Variants in SLC10A7 observed in about 807,000 individuals in gnomAD.
SLC10A7 encodes the protein solute carrier family 10 member 7.
Under a neutral mutation model 43.2 loss-of-function variants are expected in SLC10A7, and 29 were observed. That is an observed-to-expected ratio of 0.67 (90% confidence interval 0.50 to 0.92). The LOEUF (loss-of-function observed/expected upper bound fraction) is 0.92, where lower values mean the gene tolerates loss of function less well. Ranked by LOEUF, SLC10A7 falls within the 40% of genes least tolerant of loss-of-function variation. SLC10A7 has a pLI of 0.00. For synonymous variants in SLC10A7, 152 were observed against 144.8 expected (o/e 1.05, Z -0.35); for missense variants, 295 against 403.2 (o/e 0.73, Z 2.30).
At chr4:146,408,200 C>T (rs1727874810) in intron 5 of SLC10A7, among the ~76,000 whole-genome samples, 1 of 152,086 alleles carries the variant, frequency 6.6e-6, no homozygotes, top group African/African-American at 2.4e-5. Context: ...AATACAATGC[C>T]TAAAACCTCA....
At chr4:146,371,616 C>T (rs1736786995) in intron 5 of SLC10A7, among the ~76,000 whole-genome samples, 1 of 152,172 alleles carries the variant, frequency 6.6e-6, no homozygotes, top group Admixed American at 6.5e-5. Context: ...TCAGAGTTAG[C>T]CTGCCAGAGC....
At chr4:146,304,722 T>C (rs1731422310) in intron 7 of SLC10A7, among the ~76,000 whole-genome samples, 1 of 152,140 alleles carries the variant, frequency 6.6e-6, no homozygotes, top group Non-Finnish European at 1.5e-5. Flanking sequence ...AAAATGTATA[T>C]TCTGTTGATT....
intron 4 of SLC10A7, among the ~76,000 whole-genome samples, chr4:146,455,197 C>T (rs1731941087): frequency 6.6e-6 from 1 of 151,780 alleles, no homozygotes; most frequent in African/African-American, 2.4e-5. Context: ...AGACAGACAT[C>T]ATAATAACTA....
intron 10 of SLC10A7, among the ~76,000 whole-genome samples, chr4:146,260,051 A>C (rs922425679): frequency 5.3e-5 from 8 of 152,234 alleles, no homozygotes; most frequent in Non-Finnish European, 1.2e-4. Flanking sequence ...TTTCATGGTT[A>C]CTTTCTTTTT....
rs1731579035 is a variant in SLC10A7, at chr4:146,306,458, T to G, written c.472-449A>C. 4.6e-5 allele frequency among the ~76,000 whole-genome samples: 7 copies of G among 152,286 alleles called. No homozygotes were observed. In the South Asian group the frequency reaches 1.5e-3, roughly 32 times the overall value. On this transcript the variant is annotated intron_variant, in intron 6 of 11. Transcript: ENST00000335472. ...AACTTTCTGACTCCTTCAAAACAAA[T>G]ATAATGAATCTCAGATCCCGTAGAA...
intron 4 of SLC10A7, among the ~76,000 whole-genome samples, chr4:146,479,365 C>T (rs965841343): frequency 6.6e-6 from 1 of 152,056 alleles, no homozygotes; most frequent in African/African-American, 2.4e-5. Context: ...CATAACACTA[C>T]CTACTCTGTT....
At chr4:146,465,991 G>A (rs1732990391) in intron 4 of SLC10A7, among the ~76,000 whole-genome samples, 1 of 151,960 alleles carries the variant, frequency 6.6e-6, no homozygotes, top group Admixed American at 6.6e-5. Flanking sequence ...CTTTCCTTCT[G>A]TATTTTCTAC....
chr4:146,355,995 T>G (rs946633090), intron 5 of SLC10A7, among the ~76,000 whole-genome samples: 7 of 149,108 alleles, frequency 4.7e-5, no homozygotes, highest in Admixed American at 3.3e-4. Context: ...CATATGTAAC[T>G]AACCTGCACA....
intron 4 of SLC10A7, among the ~76,000 whole-genome samples, chr4:146,489,533 G>A (rs555390459): frequency 2.0e-4 from 31 of 152,290 alleles, no homozygotes; most frequent in African/African-American, 6.7e-4. Context: ...CTGATCTTAC[G>A]ATTTTGATGG....
intron 5 of SLC10A7, among the ~76,000 whole-genome samples, chr4:146,423,461 C>G (rs1729100119): frequency 6.6e-6 from 1 of 152,196 alleles, no homozygotes; most frequent in Admixed American, 6.5e-5. Flanking sequence ...AAATCACCAT[C>G]ACCTGTCAAA....
At chr4:146,304,181 T>G (rs1490035650) in intron 7 of SLC10A7, among the ~76,000 whole-genome samples, 1 of 59,656 alleles carries the variant, frequency 1.7e-5, no homozygotes, top group East Asian at 4.3e-4. Context: ...AATGACAAAG[T>G]AAACCCTAAA....
At chr4:146,337,577 A>G (rs1250009720) in intron 5 of SLC10A7, among the ~76,000 whole-genome samples, 1 of 152,038 alleles carries the variant, frequency 6.6e-6, no homozygotes, top group African/African-American at 2.4e-5. Flanking sequence ...CCACCATCAT[A>G]AAAATAGCCA....
chr4:146,426,261 G>A (rs1729346655), intron 5 of SLC10A7, among the ~76,000 whole-genome samples: 1 of 152,166 alleles, frequency 6.6e-6, no homozygotes, highest in South Asian at 2.1e-4. Context: ...TTCAGCGAGC[G>A]ACATCATGCT....
chr4:146,467,556 TTC>T (rs1245269230), intron 4 of SLC10A7, among the ~76,000 whole-genome samples: 3 of 110,740 alleles, frequency 2.7e-5, no homozygotes, highest in Non-Finnish European at 5.3e-5. Context: ...TCTTTTTTCT[TTC>T]TCTCTTTTTT....
intron 5 of SLC10A7, among the ~76,000 whole-genome samples, chr4:146,381,852 T>A (rs951892472): frequency 1.3e-5 from 2 of 152,136 alleles, no homozygotes; most frequent in East Asian, 3.9e-4. Flanking sequence ...CCTTTTTCTA[T>A]GCCTGCTCTC....
At chr4:146,363,559 TCTC>T (rs1397931303) in intron 5 of SLC10A7, among the ~76,000 whole-genome samples, 1 of 152,054 alleles carries the variant, frequency 6.6e-6, no homozygotes, top group Non-Finnish European at 1.5e-5. Flanking sequence ...CATACCTTCT[TCTC>T]CTCAGCAATG....
Position 146,496,407 on chromosome 4 carries a change from T to C in SLC10A7, c.396+7442A>G, listed in dbSNP as rs1204980694. On this transcript the variant is annotated intron_variant, in intron 4 of 11. Transcript: ENST00000335472. The stretch of plus-strand genomic sequence containing the variant: ...AACCTTCTCCTACCCTCCTGTCTCC[T>C]GTCCCTCTTTCTCTTGCCTGTGAGT... Among the ~76,000 whole-genome samples, 6 of 152,280 alleles carry C rather than the reference T, an allele frequency of 3.9e-5. No homozygotes were observed. The East Asian group carries it at 1.2e-3, about 29-fold the overall frequency.
intron 5 of SLC10A7, among the ~76,000 whole-genome samples, chr4:146,407,130 T>C (rs1418971058): frequency 2.6e-5 from 4 of 152,188 alleles, no homozygotes; most frequent in South Asian, 2.1e-4. Context: ...TCATTGTACA[T>C]AGAAGTCAAG....
At chr4:146,283,165 T>C in intron 10 of SLC10A7, 27 bp downstream of exon 10, 1 of 1,555,266 alleles carries the variant, frequency 6.4e-7, no homozygotes, top group Non-Finnish European at 8.9e-7. Context: ...GGGTAATAGG[T>C]GGTTTTTAAC....
Sources: allele counts gnomAD v4.1 joint callset (sites outside exome capture counted in the v4.1 genomes callset), GRCh38; gene constraint gnomAD v4.1.1; transcripts MANE v1.5; gene names NCBI Gene and HGNC (gene_info 2026-07-23, HGNC 2026-07-21).